ASXL1: variants seen among roughly 807,000 people sequenced by gnomAD.
The protein encoded by ASXL1 is polycomb group protein ASXL1.
A neutral mutation model predicts 89.1 loss-of-function variants in ASXL1; 65 were observed. The ratio of observed to expected loss-of-function variants is 0.73; its 90% CI spans 0.60 to 0.90. The LOEUF (loss-of-function observed/expected upper bound fraction) is 0.90. ASXL1 is among the 40% of genes least tolerant of loss of function. The pLI, the probability that ASXL1 is intolerant of heterozygous loss-of-function variation, is 0.00. For synonymous variants in ASXL1, 739 were observed against 746.9 expected (o/e 0.99, Z 0.17); for missense variants, 1,786 against 1,942.9 (o/e 0.92, Z 1.52).
intron 4 of ASXL1, among the ~76,000 whole-genome samples, chr20:32,406,274 G>A (rs1253784939): frequency 2.6e-5 from 4 of 152,014 alleles, no homozygotes; most frequent in African/African-American, 7.2e-5. Flanking sequence ...TGGGCTGGGC[G>A]CAGTGGCTTA....
intron 4 of ASXL1, among the ~76,000 whole-genome samples, chr20:32,404,648 T>G (rs556242381): frequency 3.9e-5 from 6 of 152,192 alleles, no homozygotes; most frequent in Admixed American, 6.5e-5. Context: ...TCTTGCTTGA[T>G]TGACTAGCTG....
intron 4 of ASXL1, among the ~76,000 whole-genome samples, chr20:32,406,230 T>C (rs546421446): frequency 6.6e-6 from 1 of 152,256 alleles, no homozygotes; most frequent in Non-Finnish European, 1.5e-5. Context: ...TCCCTTTCCA[T>C]ATGTATAAGT....
chr20:32,358,711 C>A lies in ASXL1; in HGVS notation c.-65C>A. 9.7e-7 allele frequency: 1 copy of A among 1,035,820 alleles called. No individual in the cohort carries two copies. The highest frequency in any genetic ancestry group is 1.3e-6 in the Non-Finnish European group (1 of 767,136). The allele number at this position is 1,035,820 out of a possible 1,614,324, so 64.2% of individuals were successfully genotyped here. A position where few individuals can be genotyped will look rare whatever the true frequency, so the allele number is the denominator to read the frequency against. ...CCGCCGCCGCCGCCCCAGCCCCGCG[C>A]CACCGCCCCAGCCCGCCCAGCCCGG... is the stretch of plus-strand genomic sequence containing the variant. On this transcript the variant is annotated 5_prime_UTR_variant, in exon 1 of 13. Coordinates refer to ENST00000375687, the MANE Select transcript of ASXL1 (RefSeq NM_015338.6).
Position 32,358,743 on chromosome 20 carries a change from C to A in ASXL1, c.-33C>A. The A allele has an allele frequency of 7.1e-7, 1 of 1,402,496 alleles. No individual in the cohort carries two copies. The highest frequency in any genetic ancestry group is 1.3e-5 in the South Asian group (1 of 78,514). 86.9% of individuals were successfully genotyped at this position (1,402,496 alleles called of 1,614,324 possible). On this transcript the variant is annotated 5_prime_UTR_variant, in exon 1 of 13. Coordinates refer to ENST00000375687, the MANE Select transcript of ASXL1 (RefSeq NM_015338.6). ...CCCAGCCCGCCCAGCCCGGAGGTCC[C>A]GCGTGGAGCTGCCGCCGCCGCCGGG...
Position 32,435,291 on chromosome 20 carries a change from G to A in ASXL1, c.2579G>A (p.Arg860Lys), listed in dbSNP as rs2145369645. 1 of 1,614,198 alleles carries A rather than the reference G, an allele frequency of 6.2e-7. No homozygotes were observed. The highest frequency in any genetic ancestry group is 1.3e-5 in the African/African-American group (1 of 75,060). Residue 860 changes from arginine to lysine, a missense_variant, in exon 13 of 13, where the codon AGA becomes AAA. Around this residue, in one of 3 missense-constraint regions of ASXL1, gnomAD observed 1,418 missense variants for 1,427.8 expected, o/e 0.99. Coordinates refer to ENST00000375687, the MANE Select transcript of ASXL1 (RefSeq NM_015338.6). ...TCACCGACTGATTGCCTGCAGAACA[G>A]AGCATTTGATGACGAATTAGGGCTT... is the stretch of plus-strand genomic sequence containing the variant. ...ESSPTDCLQN[R>K]AFDDELGLGG...
chr20:32,372,961 T>A (rs1207925395), intron 4 of ASXL1, among the ~76,000 whole-genome samples: 1 of 142,684 alleles, frequency 7.0e-6, no homozygotes. Context: ...TTTTTTTTGG[T>A]AGAGACAGTC....
intron 4 of ASXL1, among the ~76,000 whole-genome samples, chr20:32,390,220 T>C (rs2048647882): frequency 6.6e-6 from 1 of 152,210 alleles, no homozygotes; most frequent in African/African-American, 2.4e-5. Flanking sequence ...GAATATCTTA[T>C]ATAATTTATT....
In ASXL1 at chr20:32,437,579, G is replaced by A. The variant is rs2012001359; in HGVS notation, c.*241G>A. Reference sequence around the variant, plus strand: ...AAGGCCAGCCAGCCTGAGCTCTCCTGCAAGACAGAGCCTGATGTGGCACGG... The same window carrying A: ...AAGGCCAGCCAGCCTGAGCTCTCCTACAAGACAGAGCCTGATGTGGCACGG... On this transcript the variant is annotated 3_prime_UTR_variant, in exon 13 of 13. Coordinates refer to ENST00000375687, the MANE Select transcript of ASXL1 (RefSeq NM_015338.6). 1.8e-6 allele frequency: 1 copy of A among 566,336 alleles called. No homozygotes were observed. The highest frequency in any genetic ancestry group is 2.0e-5 in the South Asian group (1 of 49,166). 35.1% of individuals were successfully genotyped at this position (566,336 alleles called of 1,614,324 possible).
intron 2 of ASXL1, among the ~76,000 whole-genome samples, chr20:32,367,413 A>G (rs1402729280): frequency 6.6e-6 from 1 of 152,146 alleles, no homozygotes; most frequent in Non-Finnish European, 1.5e-5. Flanking sequence ...CAAAGAAAGT[A>G]CTTAAATGAG....
intron 4 of ASXL1, among the ~76,000 whole-genome samples, chr20:32,401,407 C>T (rs6141304): frequency 0.35 from 53,390 of 151,966 alleles, 10,470 homozygotes; most frequent in East Asian, 0.74. Flanking sequence ...TTATCACTTT[C>T]GCTATAATTT....
Position 32,361,815 on chromosome 20 carries a change from C to T in ASXL1, c.57+2983C>T, listed in dbSNP as rs375138146. ...GCACGGTGGCTCACGCCTGTAATCC[C>T]AGCTCTTTGGGAGGCCGAGGCAGAC... On this transcript the variant is annotated intron_variant, in intron 1 of 12. Transcript: ENST00000375687. Among the ~76,000 whole-genome samples the T allele has an allele frequency of 6.6e-5, 10 of 152,194 alleles. No homozygotes were observed. In the East Asian group the frequency reaches 1.2e-3, roughly 18 times the overall value.
At chr20:32,380,900 A>T (rs2048475484) in intron 4 of ASXL1, among the ~76,000 whole-genome samples, 1 of 152,212 alleles carries the variant, frequency 6.6e-6, no homozygotes, top group South Asian at 2.1e-4. Context: ...GTAGCAAGCA[A>T]AGTGGTCCTT....
At chr20:32,401,544 G>GTGTTTTT (rs35101542) in intron 4 of ASXL1, among the ~76,000 whole-genome samples, 146 of 69,310 alleles carry the variant, frequency 2.1e-3, no homozygotes, top group South Asian at 6.8e-3. Context: ...GTGTGTGTGT[G>GTGTTTTT]TTTTTTCCCC....
At chr20:32,414,300 CTTCTTT>C (rs892102789) in intron 4 of ASXL1, among the ~76,000 whole-genome samples, 6 of 151,070 alleles carry the variant, frequency 4.0e-5, no homozygotes, top group Middle Eastern at 3.4e-3. Flanking sequence ...CTTAATGGAG[CTTCTTT>C]TTCTTTTTTT....
chr20:32,379,370 T>C (rs1400974943), intron 4 of ASXL1, among the ~76,000 whole-genome samples: 5 of 147,516 alleles, frequency 3.4e-5, no homozygotes, highest in Admixed American at 2.7e-4. Flanking sequence ...TTTATTATTA[T>C]TATTATTATT....
chr20:32,369,061 T>G lies in ASXL1; in HGVS notation c.190T>G (p.Ser64Ala). The stretch of plus-strand genomic sequence containing the variant: ...CCTCAATGCTATGCTACATTCCAAT[T>G]CAAGAGGAGGAGAGGGGTTGTTTTA... The part of the protein sequence containing the change: ...ACLNAMLHSN[S>A]RGGEGLFYKL... The change falls in exon 4 of 13, where the codon TCA (serine) becomes GCA (alanine). Residue 64 changes from serine to alanine, a missense_variant. Around this residue, in one of 3 missense-constraint regions of ASXL1, gnomAD observed 332 missense variants for 449.7 expected, o/e 0.74. Coordinates refer to ENST00000375687, the MANE Select transcript of ASXL1 (RefSeq NM_015338.6). 2 of 1,614,100 alleles carry G rather than the reference T, an allele frequency of 1.2e-6. No homozygotes were observed. Among genetic ancestry groups the G allele is most frequent in the Non-Finnish European group, 1.7e-6 (2 of 1,179,992 alleles).
intron 1 of ASXL1, among the ~76,000 whole-genome samples, chr20:32,362,074 CAA>C (rs2048122279): frequency 6.6e-6 from 1 of 151,790 alleles, no homozygotes; most frequent in Non-Finnish European, 1.5e-5. Context: ...AAAAACAAAA[CAA>C]AAGAAAAAAC....
Position 32,437,111 on chromosome 20 carries a change from C to T in ASXL1, c.4399C>T (p.Leu1467Phe). The T allele has an allele frequency of 6.2e-7, 1 of 1,614,218 alleles. No homozygotes were observed. Among genetic ancestry groups the T allele is most frequent in the Non-Finnish European group, 8.5e-7 (1 of 1,180,044 alleles). The change falls in exon 13 of 13, where the codon CTT (leucine) becomes TTT (phenylalanine). Residue 1467 changes from leucine to phenylalanine, a missense_variant. This residue lies in a region of ASXL1 where 1,418 missense variants were observed against 1,427.8 expected (regional missense o/e 0.99). Transcript: ENST00000375687. ...SSSSPTFPKG[L>F]AGSVVQLSHK... ...TAGCTCTCCCACCTTTCCCAAAGGC[C>T]TTGCTGGAAGTGTGGTGCAGCTGAG...
intron 4 of ASXL1, among the ~76,000 whole-genome samples, chr20:32,414,147 G>A (rs917851550): frequency 1.3e-5 from 2 of 152,118 alleles, no homozygotes; most frequent in African/African-American, 4.8e-5. Context: ...CTGTGGAATG[G>A]GTCTTTTTCA....
Sources: allele counts gnomAD v4.1 joint callset (sites outside exome capture counted in the v4.1 genomes callset), GRCh38; gene constraint gnomAD v4.1.1; regional missense constraint gnomAD v4.1.1; transcripts MANE v1.5; gene names NCBI Gene and HGNC (gene_info 2026-07-23, HGNC 2026-07-21).